The following POLR2B variants were observed in gnomAD, a reference collection of about 807,000 sequenced individuals.
The protein encoded by POLR2B is RNA polymerase II subunit B.
In POLR2B, 57 loss-of-function variants were observed where a neutral mutation model predicts 144.6. That is an observed-to-expected ratio of 0.39 (90% CI 0.32 to 0.49). POLR2B has a LOEUF of 0.49. POLR2B is among the 20% of genes least tolerant of loss of function. POLR2B has a pLI of 0.83. For missense variants in POLR2B, 595 were observed against 1,467.4 expected, an observed-to-expected ratio of 0.41 and a Z score of 9.71; for synonymous variants, 442 against 469.8, an observed-to-expected ratio of 0.94 and a Z score of 0.77.
At chr4:56,993,628 C>G (rs921412294) in intron 3 of POLR2B, among the ~76,000 whole-genome samples, 1 of 152,140 alleles carries the variant, frequency 6.6e-6, no homozygotes, top group African/African-American at 2.4e-5. Flanking sequence ...TATTAGGCAG[C>G]AAGTGAATGT....
At position 57,020,883 on chromosome 4, in the gene POLR2B, C is replaced by T. The variant is rs773283142; in HGVS notation, c.2324-16C>T. ...TCCAGGTGATGTTTTAATGTATGCT[C>T]TTAAATTCACTGCAGGCATCAACTC... On this transcript the variant is annotated splice_polypyrimidine_tract_variant and intron_variant, in intron 16 of 24. Transcript: ENST00000314595. 8.5e-6 allele frequency: 12 copies of T among 1,405,248 alleles called. No homozygotes were observed. The highest frequency in any genetic ancestry group is 1.1e-5 in the Non-Finnish European group (11 of 989,558). The allele number at this position is 1,405,248 out of a possible 1,614,324, so 87.0% of individuals were successfully genotyped here.
rs151277844 is a variant in POLR2B, at chr4:56,979,002, A to G, written c.17A>G (p.Glu6Gly). Residue 6 changes from glutamate (E) to glycine (G), a missense_variant and splice_region_variant, in exon 1 of 25, where the codon GAG (glutamate) becomes GGG (glycine). Around this residue, in one of 9 missense-constraint regions of POLR2B, gnomAD observed 25 missense variants for 26.1 expected, o/e 0.96. Transcript: ENST00000314595. ...TTTGGCAATATGTACGACGCGGATG[A>G]GGGTAGGTGAACGCTCAAAACACAC... MYDADEDMQYDEDDDE... is the reference protein window; with the variant it reads MYDADGDMQYDEDDDE... 6.2e-7 allele frequency: 1 copy of G among 1,613,556 alleles called. No homozygotes were observed. The highest frequency in any genetic ancestry group is 8.5e-7 in the Non-Finnish European group (1 of 1,179,756).
Position 57,017,362 on chromosome 4 carries a change from C to G in POLR2B, c.2154+121C>G, listed in dbSNP as rs1418646550. 1 of 806,546 alleles carries G rather than the reference C, an allele frequency of 1.2e-6. No homozygotes were observed. The highest frequency in any genetic ancestry group is 1.7e-5 in the African/African-American group (1 of 58,174). The allele number at this position is 806,546 out of a possible 1,614,324, so 50.0% of individuals were successfully genotyped here. On this transcript the variant is annotated intron_variant, in intron 15 of 24. Transcript: ENST00000314595. The surrounding 1 kb of genome is among the most constrained non-coding windows in gnomAD (Gnocchi z 4.8). Reference sequence around the variant, plus strand: ...TTAATGAAAAGGCTATTAACTCCTACGGAATCAGTATTTGATATAATTGCT... The same window carrying G: ...TTAATGAAAAGGCTATTAACTCCTAGGGAATCAGTATTTGATATAATTGCT...
chr4:56,983,552 A>G (rs757199909), intron 1 of POLR2B, among the ~76,000 whole-genome samples: 19 of 151,708 alleles, frequency 1.3e-4, no homozygotes, highest in Non-Finnish European at 1.6e-4. Context: ...TTGTATTTTT[A>G]GTAGAGACGG....
At chr4:57,000,532 TTC>T (rs1722817654) in intron 7 of POLR2B, among the ~76,000 whole-genome samples, 1 of 152,210 alleles carries the variant, frequency 6.6e-6, no homozygotes, top group Non-Finnish European at 1.5e-5. Context: ...CATTCATTCT[TTC>T]TATATATAAC....
chr4:56,995,806 C>T (rs1384187215), intron 6 of POLR2B, among the ~76,000 whole-genome samples: 2 of 152,178 alleles, frequency 1.3e-5, no homozygotes, highest in Non-Finnish European at 2.9e-5. Context: ...ATGTGGGCCT[C>T]TGCGTATAGC....
chr4:57,025,901 T>TA (rs1291265454), intron 23 of POLR2B, among the ~76,000 whole-genome samples: 3 of 152,222 alleles, frequency 2.0e-5, no homozygotes, highest in East Asian at 3.9e-4. Context: ...ACCTTTTTTT[T>TA]AACTACAGGC....
Position 56,986,389 on chromosome 4 carries a change from C to A in POLR2B, c.55C>A (p.Pro19Thr). The A allele has an allele frequency of 6.2e-7, 1 of 1,612,730 alleles. No individual in the cohort carries two copies. The highest frequency in any genetic ancestry group is 1.3e-5 in the African/African-American group (1 of 74,974). The change falls in exon 2 of 25, where the codon CCG becomes ACG. Residue 19 changes from proline to threonine, a missense_variant. This residue lies in a region of POLR2B where 25 missense variants were observed against 26.1 expected (regional missense o/e 0.96). Transcript: ENST00000314595. ...TGATGAGGATGATGATGAAATCACCCCGGATTTGTGGCAAGAAGCATGCTG... is the reference window on the plus strand; with the variant it reads ...TGATGAGGATGATGATGAAATCACCACGGATTTGTGGCAAGAAGCATGCTG... ...QYDEDDDEIT[P>T]DLWQEACWIV...
intron 1 of POLR2B, among the ~76,000 whole-genome samples, chr4:56,980,327 C>T (rs746855489): frequency 2.6e-5 from 4 of 151,990 alleles, no homozygotes; most frequent in Non-Finnish European, 4.4e-5. Context: ...TTTTTAACTA[C>T]TATCTCAGTA....
intron 23 of POLR2B, among the ~76,000 whole-genome samples, chr4:57,026,094 C>T (rs772286246): frequency 1.3e-5 from 2 of 152,122 alleles, no homozygotes; most frequent in African/African-American, 2.4e-5. Flanking sequence ...AAAAATTAGT[C>T]GGGCATGGTG....
intron 7 of POLR2B, among the ~76,000 whole-genome samples, chr4:57,001,404 A>G (rs1304726340): frequency 6.6e-6 from 1 of 152,302 alleles, no homozygotes; most frequent in East Asian, 1.9e-4. Context: ...AGTGAGGGGC[A>G]GCCTGCGTAG....
At chr4:57,008,788 G>T (rs894664334) in intron 10 of POLR2B, among the ~76,000 whole-genome samples, 2 of 152,184 alleles carry the variant, frequency 1.3e-5, no homozygotes, top group African/African-American at 4.8e-5. Flanking sequence ...CCCAAGTTGC[G>T]AGGTAGGTAG....
chr4:57,023,645 T>C lies in POLR2B; in HGVS notation c.2767-17T>C, dbSNP rs762646219. ...AAACCAAATCCACTTAACTAACTTA[T>C]TTTTATATGAATTTAGGTACGCTCT... On this transcript the variant is annotated splice_polypyrimidine_tract_variant and intron_variant, in intron 19 of 24. Transcript: ENST00000314595. This position sits in a 1 kb window ranked among gnomAD's most constrained non-coding sequence, Gnocchi z 4.3. The C allele has an allele frequency of 3.1e-6, 5 of 1,610,478 alleles. No homozygotes were observed. The highest frequency in any genetic ancestry group is 1.7e-4 in the Middle Eastern group (1 of 6,044).
intron 18 of POLR2B, among the ~76,000 whole-genome samples, 198 bp downstream of exon 18, chr4:57,022,444 C>G (rs1723584097): frequency 6.6e-6 from 1 of 152,064 alleles, no homozygotes; most frequent in Admixed American, 6.6e-5. Flanking sequence ...AGTCTTTGCA[C>G]CTAGGAGTGA....
At position 57,023,142 on chromosome 4, in the gene POLR2B, CTT is replaced by C. The variant is rs574350972; in HGVS notation, c.2516-179_2516-178del. On this transcript the variant is annotated intron_variant, in intron 18 of 24. Coordinates refer to ENST00000314595, the MANE Select transcript of POLR2B (RefSeq NM_000938.3). This position sits in a 1 kb window ranked among gnomAD's most constrained non-coding sequence, Gnocchi z 4.3. The stretch of plus-strand genomic sequence containing the variant: ...TTCCAATGTTCTTTTCCTTCATAGA[CTT>C]TTTTTTTTGTTTTCTGTGTGGGCTG... The C allele has an allele frequency of 3.5e-5, 16 of 452,344 alleles. No homozygotes were observed. The highest frequency in any genetic ancestry group is 4.7e-5 in the Non-Finnish European group (12 of 256,266). 28.0% of individuals were successfully genotyped at this position (452,344 alleles called of 1,614,324 possible).
chr4:57,022,318 G>A, intron 18 of POLR2B, 72 bp downstream of exon 18: 1 of 928,932 alleles, frequency 1.1e-6, no homozygotes, highest in Non-Finnish European at 1.7e-6. Context: ...TGATTTTGAT[G>A]GGTTGTGTCA....
At chr4:57,020,385 A>G (rs1273129292) in intron 16 of POLR2B, among the ~76,000 whole-genome samples, 1 of 152,130 alleles carries the variant, frequency 6.6e-6, no homozygotes, top group Non-Finnish European at 1.5e-5. Flanking sequence ...GGCAGCAGCA[A>G]CTAAGAATTT....
At chr4:56,981,562 A>G (rs1008857436) in intron 1 of POLR2B, among the ~76,000 whole-genome samples, 1 of 152,238 alleles carries the variant, frequency 6.6e-6, no homozygotes, top group African/African-American at 2.4e-5. Context: ...AAAAGAGTTT[A>G]TCAGGGTTGC....
At chr4:57,011,481 T>C (rs1274337181) in intron 13 of POLR2B, among the ~76,000 whole-genome samples, 1 of 151,368 alleles carries the variant, frequency 6.6e-6, no homozygotes, top group East Asian at 2.0e-4. Flanking sequence ...TGAGGTGAGA[T>C]TGCACCTCTG....
Sources: allele counts gnomAD v4.1 joint callset (sites outside exome capture counted in the v4.1 genomes callset), GRCh38; gene constraint gnomAD v4.1.1; regional missense constraint gnomAD v4.1.1; non-coding constraint Gnocchi (gnomAD v3.1); transcripts MANE v1.5; gene names NCBI Gene and HGNC (gene_info 2026-07-23, HGNC 2026-07-21).